Variants in AQR observed in about 807,000 individuals in gnomAD.
AQR encodes the protein RNA helicase aquarius.
In AQR, 61 loss-of-function variants were observed where a neutral mutation model predicts 180.5. The observed-to-expected ratio is 0.34, with a 90% confidence interval of 0.28 to 0.42. The LOEUF (loss-of-function observed/expected upper bound fraction) is 0.42, where lower values mean the gene tolerates loss of function less well. Ranked by LOEUF, AQR falls within the 10% of genes least tolerant of loss-of-function variation. The pLI is 1.00. For synonymous variants in AQR, 551 were observed against 588.8 expected (o/e 0.94, Z 0.93); for missense variants, 1,281 against 1,798.3 (o/e 0.71, Z 5.20).
chr15:34,928,353 C>T (rs1289290506), intron 12 of AQR, among the ~76,000 whole-genome samples: 1 of 152,102 alleles, frequency 6.6e-6, no homozygotes, highest in Non-Finnish European at 1.5e-5. Flanking sequence ...CCCTCAACTC[C>T]CATCCCCGAC....
chr15:34,927,939 A>G (rs1893790393), intron 12 of AQR, among the ~76,000 whole-genome samples: 1 of 152,228 alleles, frequency 6.6e-6, no homozygotes, highest in African/African-American at 2.4e-5. Flanking sequence ...GAATGCTAGC[A>G]GCATCAAGCA....
At chr15:34,886,408 T>C (rs1452887053) in intron 25 of AQR, 118 bp downstream of exon 25, 5 of 991,274 alleles carry the variant, frequency 5.0e-6, no homozygotes, top group Admixed American at 2.8e-5. Context: ...TGCAATACCA[T>C]ACATTCTAAT....
intron 24 of AQR, among the ~76,000 whole-genome samples, chr15:34,889,125 T>A (rs867689343): frequency 6.6e-6 from 1 of 152,210 alleles, no homozygotes; most frequent in South Asian, 2.1e-4. Context: ...TTCTGAATTA[T>A]TAGATTTTAG....
At chr15:34,874,199 T>C (rs1015858035) in intron 29 of AQR, 200 bp from the exon 30 acceptor site, 1 of 463,684 alleles carries the variant, frequency 2.2e-6, no homozygotes, top group Admixed American at 3.9e-5. Context: ...CTGAAGGTAC[T>C]ACAAAAATGA....
chr15:34,863,529 G>A (rs958738048), intron 32 of AQR, among the ~76,000 whole-genome samples: 1 of 152,062 alleles, frequency 6.6e-6, no homozygotes, highest in African/African-American at 2.4e-5. Context: ...AACAACACAA[G>A]TTGAGCATCC....
At chr15:34,910,906 C>G (rs1312433225) in intron 16 of AQR, among the ~76,000 whole-genome samples, 2 of 152,148 alleles carry the variant, frequency 1.3e-5, no homozygotes, top group Non-Finnish European at 2.9e-5. Context: ...TATCTTGTAA[C>G]TGAAAGTTTA....
chr15:34,907,242 T>C (rs1031108026), intron 17 of AQR, among the ~76,000 whole-genome samples: 2 of 152,224 alleles, frequency 1.3e-5, no homozygotes, highest in Non-Finnish European at 2.9e-5. Context: ...GCTGAATATA[T>C]ACAGTTTCAG....
intron 3 of AQR, among the ~76,000 whole-genome samples, chr15:34,956,555 G>A (rs1894319381): frequency 1.3e-5 from 2 of 152,116 alleles, no homozygotes; most frequent in Non-Finnish European, 2.9e-5. Flanking sequence ...AGGAGGCTGA[G>A]GCAGGAGAAT....
intron 14 of AQR, among the ~76,000 whole-genome samples, chr15:34,918,606 T>G (rs191745085): frequency 1.9e-4 from 29 of 152,318 alleles, no homozygotes; most frequent in Admixed American, 1.9e-3. Flanking sequence ...TACTTATGAG[T>G]ACTGTAAAAG....
chr15:34,957,815 AT>A (rs1172687147), intron 3 of AQR, among the ~76,000 whole-genome samples: 5 of 151,602 alleles, frequency 3.3e-5, no homozygotes, highest in African/African-American at 1.2e-4. Context: ...AAATTAAAAA[AT>A]AATAATAAAA....
At chr15:34,911,078 T>C (rs8025958) in intron 16 of AQR, among the ~76,000 whole-genome samples, 2 of 152,340 alleles carry the variant, frequency 1.3e-5, no homozygotes, top group African/African-American at 4.8e-5. Flanking sequence ...AATGTACTCC[T>C]GGTTTATCCA....
intron 13 of AQR, among the ~76,000 whole-genome samples, chr15:34,926,737 T>G (rs1198558435): frequency 6.6e-6 from 1 of 152,220 alleles, no homozygotes; most frequent in African/African-American, 2.4e-5. Context: ...CTTTATTGGT[T>G]TTTGTCATAT....
intron 4 of AQR, among the ~76,000 whole-genome samples, chr15:34,950,671 G>C (rs758732693): frequency 6.6e-6 from 1 of 151,822 alleles, no homozygotes; most frequent in Non-Finnish European, 1.5e-5. Flanking sequence ...TTAATTATCT[G>C]AAGTTCTTGG....
At position 34,920,446 on chromosome 15, in the gene AQR, A is replaced by G. The variant is rs1477532078; in HGVS notation, c.1119-12T>C. ...GGAGTGTGTTTGAACTGCAGAATAG[A>G]GAACAATATTTTATTCATAGTAACT... On this transcript the variant is annotated splice_polypyrimidine_tract_variant and intron_variant, in intron 13 of 34. Coordinates refer to ENST00000156471, the MANE Select transcript of AQR (RefSeq NM_014691.3). The G allele has an allele frequency of 1.9e-6, 3 of 1,581,472 alleles. No homozygotes were observed.
intron 32 of AQR, 43 bp from the exon 33 acceptor site, chr15:34,863,084 T>G (rs190359413): frequency 1.3e-6 from 2 of 1,545,408 alleles, no homozygotes; most frequent in East Asian, 4.6e-5. Flanking sequence ...TCAAGATTAT[T>G]AACATTTAAG....
chr15:34,940,293 G>A (rs992472041), intron 8 of AQR, among the ~76,000 whole-genome samples: 1 of 152,184 alleles, frequency 6.6e-6, no homozygotes, highest in Non-Finnish European at 1.5e-5. Flanking sequence ...CACTTTAGGA[G>A]GCCGAGGCAG....
chr15:34,895,159 CAAAAAAAAAA>C (rs397853998), intron 22 of AQR, among the ~76,000 whole-genome samples: 1 of 2,456 alleles, frequency 4.1e-4, no homozygotes, highest in African/African-American at 6.8e-4. Context: ...AAGACTGTCT[CAAAAAAAAAA>C]AAAAAAAAAA....
At chr15:34,922,471 T>C (rs896235655) in intron 13 of AQR, among the ~76,000 whole-genome samples, 3 of 152,222 alleles carry the variant, frequency 2.0e-5, no homozygotes, top group African/African-American at 7.2e-5. Context: ...TATCCCACTT[T>C]GAATTCCCAC....
At chr15:34,882,168 T>C (rs2140467077) in intron 27 of AQR, among the ~76,000 whole-genome samples, 1 of 152,210 alleles carries the variant, frequency 6.6e-6, no homozygotes, top group Admixed American at 6.5e-5. Context: ...TTTTTATTAT[T>C]ACTATTTTTT....
Sources: gnomAD v4.1 joint callset for allele counts (sites outside exome capture counted in the v4.1 genomes callset) on GRCh38, gnomAD v4.1.1 for gene constraint, MANE v1.5 for transcripts, NCBI Gene and HGNC (gene_info 2026-07-23, HGNC 2026-07-21) for gene names.